The following NFIB variants were observed in gnomAD, a reference collection of about 807,000 sequenced individuals.
The protein encoded by NFIB is nuclear factor I B.
Under a neutral mutation model 61.5 loss-of-function variants are expected in NFIB, and 11 were observed. That is an observed-to-expected ratio of 0.18 (90% CI 0.11 to 0.30). NFIB has a LOEUF of 0.30. NFIB is among the 10% of genes least tolerant of loss of function. The pLI is 1.00. For synonymous variants in NFIB, 260 were observed against 216.5 expected (o/e 1.20, Z -1.76); for missense variants, 471 against 608.9 (o/e 0.77, Z 2.38).
chr9:14,141,894 G>A (rs1370351758), intron 6 of NFIB, among the ~76,000 whole-genome samples: 1 of 110,200 alleles, frequency 9.1e-6, no homozygotes, highest in Non-Finnish European at 1.7e-5. Flanking sequence ...AAATCTTGCT[G>A]CTGCTCACAA....
At chr9:14,407,414 T>G in the NFIB span, among the ~76,000 whole-genome samples, 1 of 152,104 alleles carries the variant, frequency 6.6e-6, no homozygotes, top group African/African-American at 2.4e-5. Context: ...TGGTAAATTG[T>G]GATGAGACAA....
intron 2 of NFIB, among the ~76,000 whole-genome samples, chr9:14,219,286 C>A (rs1287126211): frequency 7.0e-6 from 1 of 142,394 alleles, no homozygotes; most frequent in Admixed American, 7.4e-5. Flanking sequence ...AGATAAATTA[C>A]GTTACTTTGA....
the NFIB span, among the ~76,000 whole-genome samples, chr9:14,418,693 G>A: frequency 6.6e-6 from 1 of 152,104 alleles, no homozygotes; most frequent in African/African-American, 2.4e-5. Flanking sequence ...TGAGGAAAAC[G>A]TGCAGCTTAC....
At position 14,335,714 on chromosome 9, in the gene NFIB, G is replaced by A. The variant is rs76228075; in HGVS notation, c.109-28194C>T. Reference sequence around the variant, plus strand: ...CGATGAAGTCAAAATTGTGGATTGAGCTTTTGGCTTCATATCTAAGACATT... The same window carrying A: ...CGATGAAGTCAAAATTGTGGATTGAACTTTTGGCTTCATATCTAAGACATT... On this transcript the variant is annotated intron_variant, in intron 1 of 8. Coordinates refer to the NFIB transcript ENST00000380934. Among the ~76,000 whole-genome samples the A allele has an allele frequency of 7.6e-3, 1,160 of 152,244 alleles. 22 individuals are homozygous for A. The highest frequency in any genetic ancestry group is 0.026 in the African/African-American group (1,092 of 41,554).
chr9:14,103,031 C>A (rs1404874645), intron 10 of NFIB, among the ~76,000 whole-genome samples: 1 of 152,116 alleles, frequency 6.6e-6, no homozygotes, highest in African/African-American at 2.4e-5. Context: ...CAGTTTTAAC[C>A]TTTTACTAAT....
chr9:14,082,677 T>G lies in NFIB; in HGVS notation c.*5632A>C, dbSNP rs79474224. On this transcript the variant is annotated 3_prime_UTR_variant, in exon 11 of 11. Transcript: ENST00000380953. ...GGTAAACATTTTGCTGGTTTTTTTT[T>G]TTTGTTTGTTTCTTTCTTGTTTTGC... The G allele has an allele frequency of 0.024, 4,903 of 201,982 alleles. 86 individuals are homozygous for G. Among genetic ancestry groups the G allele is most frequent in the Non-Finnish European group, 0.035 (3,450 of 98,234 alleles). 12.5% of individuals were successfully genotyped at this position (201,982 alleles called of 1,614,324 possible).
chr9:14,336,414 A>G (rs925087792), intron 1 of NFIB, among the ~76,000 whole-genome samples: 1 of 152,272 alleles, frequency 6.6e-6, no homozygotes, highest in African/African-American at 2.4e-5. Flanking sequence ...CATTTTTGGA[A>G]AATGACTCTA....
chr9:14,439,208 A>C, the NFIB span, among the ~76,000 whole-genome samples: 1 of 152,072 alleles, frequency 6.6e-6, no homozygotes, highest in Non-Finnish European at 1.5e-5. Flanking sequence ...CCCTCTCTAC[A>C]AAAAATAAAA....
At chr9:14,356,233 C>G (rs991078104) in intron 1 of NFIB, among the ~76,000 whole-genome samples, 6 of 152,130 alleles carry the variant, frequency 3.9e-5, no homozygotes, top group African/African-American at 9.7e-5. Flanking sequence ...TAGGAGGGAA[C>G]TTATGGATCC....
At chr9:14,364,745 C>T (rs111689793) in intron 1 of NFIB, among the ~76,000 whole-genome samples, 2 of 152,140 alleles carry the variant, frequency 1.3e-5, no homozygotes, top group African/African-American at 2.4e-5. Flanking sequence ...CACGTTTTGA[C>T]AGTTACTATG....
intron 1 of NFIB, among the ~76,000 whole-genome samples, chr9:14,327,694 C>G (rs2060772524): frequency 6.6e-6 from 1 of 152,142 alleles, no homozygotes; most frequent in Non-Finnish European, 1.5e-5. Context: ...GTTTTCTGCT[C>G]ACTTTGCAAG....
intron 10 of NFIB, among the ~76,000 whole-genome samples, chr9:14,108,525 T>C (rs1254034193): frequency 6.6e-6 from 1 of 152,094 alleles, no homozygotes; most frequent in African/African-American, 2.4e-5. Context: ...AAGAAAAGTG[T>C]TGAAACAATT....
chr9:14,307,467 G>A lies in NFIB; in HGVS notation c.84C>T (p.Ala28=), dbSNP rs759631088. The A allele has an allele frequency of 1.1e-5, 17 of 1,613,558 alleles. No individual in the cohort carries two copies. In the Admixed American group the frequency reaches 1.3e-4, roughly 13 times the overall value. The change falls in exon 2 of 11, where the codon GCC becomes GCT. Residue 28 remains alanine, a synonymous_variant. Coordinates refer to ENST00000380953, the MANE Select transcript of NFIB (RefSeq NM_001190737.2). The surrounding 1 kb of genome is among the most constrained non-coding windows in gnomAD (Gnocchi z 5.3). ...GAGCCTGCAGGTTGAACCAAGTATA[G>A]GCAATTGCACGGACATGTGGAAGAA... ...EALLPHVRAI[A]YTWFNLQARK... is the part of the protein sequence containing the mutation.
chr9:14,282,333 T>C (rs1243652262), intron 2 of NFIB, among the ~76,000 whole-genome samples: 1 of 152,154 alleles, frequency 6.6e-6, no homozygotes, highest in Admixed American at 6.6e-5. Flanking sequence ...GCAATAAATA[T>C]CCCATAAATA....
chr9:14,517,945 T>C, the NFIB span, among the ~76,000 whole-genome samples: 1 of 152,170 alleles, frequency 6.6e-6, no homozygotes. Context: ...GTTATGTAGC[T>C]CCAAGTCAGG....
rs1467708537 is a variant in NFIB at position 14,087,963 on chromosome 9, C to T, written c.*346G>A. 1.8e-5 allele frequency: 5 copies of T among 271,758 alleles called. No individual in the cohort carries two copies. The highest frequency in any genetic ancestry group is 1.5e-4 in the Admixed American group (3 of 19,576). 16.8% of individuals were successfully genotyped at this position (271,758 alleles called of 1,614,324 possible). ...AGCGGACTTCATGTAACAAAGGCTA[C>T]GTTGCAGGGGCTGCGATCTACCATC... On this transcript the variant is annotated 3_prime_UTR_variant, in exon 11 of 11. Coordinates refer to ENST00000380953, the MANE Select transcript of NFIB (RefSeq NM_001190737.2).
chr9:14,348,266 G>T (rs1453796352), intron 1 of NFIB, among the ~76,000 whole-genome samples: 1 of 151,578 alleles, frequency 6.6e-6, no homozygotes, highest in Non-Finnish European at 1.5e-5. Flanking sequence ...GCTTTGAGGG[G>T]AATTTTCCAA....
chr9:14,306,096 CT>C (rs1421819726), intron 2 of NFIB: 7 of 532,122 alleles, frequency 1.3e-5, no homozygotes, highest in South Asian at 4.0e-5. Flanking sequence ...ATAACATCAT[CT>C]TTTTTAATTA....
intron 1 of NFIB, among the ~76,000 whole-genome samples, chr9:14,350,651 C>A (rs1428065467): frequency 6.6e-6 from 1 of 152,090 alleles, no homozygotes; most frequent in African/African-American, 2.4e-5. Flanking sequence ...TAATATCAGG[C>A]GCTGCCAGAT....
Sources: allele counts gnomAD v4.1 joint callset (sites outside exome capture counted in the v4.1 genomes callset), GRCh38; gene constraint gnomAD v4.1.1; non-coding constraint Gnocchi (gnomAD v3.1); transcripts MANE v1.5; gene names NCBI Gene and HGNC (gene_info 2026-07-23, HGNC 2026-07-21).